SH3GL2: variants seen among roughly 807,000 people sequenced by gnomAD.
SH3GL2 encodes endophilin-A1.
SH3GL2 carries 24 observed loss-of-function variants against 46.0 expected under a neutral mutation model. The ratio of observed to expected loss-of-function variants is 0.52; its 90% CI spans 0.38 to 0.73. The LOEUF (loss-of-function observed/expected upper bound fraction) is 0.73. Among genes scored for constraint, SH3GL2 ranks in the 30% least tolerant of loss-of-function variants. SH3GL2 has a pLI of 0.00. For missense variants in SH3GL2, 413 were observed against 424.2 expected, an observed-to-expected ratio of 0.97 and a Z score of 0.23; for synonymous variants, 196 against 147.1, an observed-to-expected ratio of 1.33 and a Z score of -2.40.
intron 5 of SH3GL2, among the ~76,000 whole-genome samples, chr9:17,788,994 C>G (rs1192511084): frequency 1.3e-5 from 2 of 152,200 alleles, no homozygotes; most frequent in African/African-American, 4.8e-5. Context: ...TCTGGCTTCT[C>G]ATGAGATACC....
chr9:17,795,083 A>G (rs1352411077), intron 8 of SH3GL2, among the ~76,000 whole-genome samples: 1 of 152,182 alleles, frequency 6.6e-6, no homozygotes, highest in Admixed American at 6.5e-5. Context: ...ACTTAAAAGC[A>G]TTCTCCATGT....
intron 3 of SH3GL2, among the ~76,000 whole-genome samples, chr9:17,768,609 G>C (rs1242510176): frequency 6.6e-6 from 1 of 151,924 alleles, no homozygotes; most frequent in Admixed American, 6.6e-5. Flanking sequence ...TCACTCTGTG[G>C]CCTTTAGTTT....
chr9:17,754,563 C>T (rs1822936540), intron 2 of SH3GL2, among the ~76,000 whole-genome samples: 1 of 152,050 alleles, frequency 6.6e-6, no homozygotes, highest in South Asian at 2.1e-4. Context: ...GTCCCAGCTA[C>T]TCGGGAGGCT....
intron 1 of SH3GL2, among the ~76,000 whole-genome samples, chr9:17,646,864 T>A (rs1291732459): frequency 6.6e-6 from 1 of 152,198 alleles, no homozygotes; most frequent in African/African-American, 2.4e-5. Flanking sequence ...GGGACCCCAC[T>A]TGAGGAGGCA....
At chr9:17,697,292 C>T (rs902971849) in intron 1 of SH3GL2, among the ~76,000 whole-genome samples, 9 of 151,338 alleles carry the variant, frequency 5.9e-5, no homozygotes, top group African/African-American at 9.7e-5. Flanking sequence ...GACATGATCT[C>T]GGCTCACTGC....
intron 2 of SH3GL2, among the ~76,000 whole-genome samples, chr9:17,755,585 G>A (rs1822965201): frequency 6.6e-6 from 1 of 152,074 alleles, no homozygotes; most frequent in African/African-American, 2.4e-5. Context: ...AACAGACATG[G>A]GCCACCATGA....
rs368274255 is a variant in SH3GL2, at chr9:17,795,644, T to C, written c.960T>C (p.Thr320=). ...AAGAGGGCGATATCATCACACTCAC[T>C]AACCAAATTGATGAGAACTGGTATG... ...GFKEGDIITL[T]NQIDENWYEG... The change falls in exon 9 of 9, where the codon ACT becomes ACC. Residue 320 remains threonine, a synonymous_variant. Coordinates refer to ENST00000380607, the MANE Select transcript of SH3GL2 (RefSeq NM_003026.5). The C allele has an allele frequency of 5.0e-6, 8 of 1,613,854 alleles. No individual in the cohort carries two copies. Among genetic ancestry groups the C allele is most frequent in the Non-Finnish European group, 6.8e-6 (8 of 1,179,852 alleles).
At chr9:17,634,760 G>T (rs994988299) in intron 1 of SH3GL2, among the ~76,000 whole-genome samples, 5 of 152,150 alleles carry the variant, frequency 3.3e-5, no homozygotes, top group African/African-American at 1.2e-4. Flanking sequence ...GGCCATGTCA[G>T]TCAGCCAACA....
intron 2 of SH3GL2, among the ~76,000 whole-genome samples, chr9:17,747,695 G>A (rs1822733230): frequency 6.6e-6 from 1 of 151,954 alleles, no homozygotes; most frequent in Non-Finnish European, 1.5e-5. Context: ...ATTTTTTTGA[G>A]ATGGAGTCTT....
At chr9:17,663,556 C>G (rs190653522) in intron 1 of SH3GL2, among the ~76,000 whole-genome samples, 1 of 152,148 alleles carries the variant, frequency 6.6e-6, no homozygotes, top group Admixed American at 6.5e-5. Context: ...CGTGACCACT[C>G]AGGGTTCTGA....
intron 1 of SH3GL2, among the ~76,000 whole-genome samples, chr9:17,615,245 G>A (rs181212689): frequency 2.4e-4 from 37 of 152,202 alleles, no homozygotes; most frequent in Admixed American, 1.2e-3. Flanking sequence ...GTGTTTACTG[G>A]GATATTTTAG....
At position 17,645,317 on chromosome 9, in the gene SH3GL2, C is replaced by A. The variant is rs146531955; in HGVS notation, c.45+66030C>A. 1.5e-4 allele frequency among the ~76,000 whole-genome samples: 23 copies of A among 151,962 alleles called. No individual in the cohort carries two copies. In the East Asian group the frequency reaches 4.5e-3, roughly 30 times the overall value. On this transcript the variant is annotated intron_variant, in intron 1 of 8. Transcript: ENST00000380607. ...TACAACACACCGATGGGTCTTGAAT[C>A]TTTATGCAATTTGCAAGTCTGTGCC...
At chr9:17,738,641 T>TATATATATAGAGAGAGAGAGAGAG (rs376280314) in intron 1 of SH3GL2, among the ~76,000 whole-genome samples, 1 of 88,896 alleles carries the variant, frequency 1.1e-5, no homozygotes, top group Admixed American at 1.3e-4. Flanking sequence ...TATATATATA[T>TATATATATAGAGAGAGAGAGAGAG]AGAGAGAGAG....
chr9:17,613,289 G>T (rs1215114139), intron 1 of SH3GL2, among the ~76,000 whole-genome samples: 1 of 152,148 alleles, frequency 6.6e-6, no homozygotes, highest in Non-Finnish European at 1.5e-5. Context: ...TAAAGTTTTG[G>T]TTGTTAATTT....
chr9:17,789,079 C>T (rs1436984465), intron 5 of SH3GL2, among the ~76,000 whole-genome samples: 1 of 152,212 alleles, frequency 6.6e-6, no homozygotes, highest in Non-Finnish European at 1.5e-5. Context: ...TGCATTCCTT[C>T]TCTGTTTCTG....
At chr9:17,678,479 G>T (rs1168713422) in intron 1 of SH3GL2, among the ~76,000 whole-genome samples, 2 of 151,878 alleles carry the variant, frequency 1.3e-5, no homozygotes, top group Admixed American at 6.6e-5. Context: ...TTTTGATGGG[G>T]TTGTTTTTTT....
At chr9:17,763,902 G>A (rs1445821784) in intron 3 of SH3GL2, among the ~76,000 whole-genome samples, 1 of 152,144 alleles carries the variant, frequency 6.6e-6, no homozygotes, top group Non-Finnish European at 1.5e-5. Flanking sequence ...ATTTAGGTGT[G>A]AAGGGTCCTT....
At chr9:17,682,883 A>G (rs1312700821) in intron 1 of SH3GL2, among the ~76,000 whole-genome samples, 1 of 152,110 alleles carries the variant, frequency 6.6e-6, no homozygotes, top group Admixed American at 6.6e-5. Context: ...CTTTTGTATT[A>G]TTGAAACCAA....
chr9:17,612,491 T>G (rs1407408380), intron 1 of SH3GL2, among the ~76,000 whole-genome samples: 1 of 152,180 alleles, frequency 6.6e-6, no homozygotes, highest in Admixed American at 6.5e-5. Context: ...ACATTAAGTT[T>G]GCAAAATGCA....
Sources: gnomAD v4.1 joint callset for allele counts (sites outside exome capture counted in the v4.1 genomes callset) on GRCh38, gnomAD v4.1.1 for gene constraint, MANE v1.5 for transcripts, NCBI Gene and HGNC (gene_info 2026-07-23, HGNC 2026-07-21) for gene names.